The following CDKN2A variants were observed in gnomAD, a reference collection of about 807,000 sequenced individuals.
The protein encoded by CDKN2A is cyclin dependent kinase inhibitor 2A.
A neutral mutation model predicts 11.1 loss-of-function variants in CDKN2A; 3 were observed. That is an observed-to-expected ratio of 0.27 (90% CI 0.12 to 0.70). CDKN2A has a LOEUF of 0.70. Among genes scored for constraint, CDKN2A ranks in the 30% least tolerant of loss-of-function variants. The pLI is 0.77. For synonymous variants in CDKN2A, 122 were observed against 108.1 expected (o/e 1.13, Z -0.80); for missense variants, 265 against 233.6 (o/e 1.13, Z -0.88).
At chr9:21,976,698 A>G (rs36228838), upstream of CDKN2A, among the ~76,000 whole-genome samples, 7 of 152,172 alleles carry the variant, frequency 4.6e-5, no homozygotes, top group African/African-American at 1.2e-4. Flanking sequence ...AGCCTGGGAG[A>G]CAAGAGCGAA....
At chr9:21,971,851 C>T (rs1819781492) in intron 1 of CDKN2A, among the ~76,000 whole-genome samples, 1 of 152,034 alleles carries the variant, frequency 6.6e-6, no homozygotes, top group Non-Finnish European at 1.5e-5. Flanking sequence ...AGTAACCTAT[C>T]CATCATCTCA....
rs769762355 is a variant in CDKN2A at position 21,974,467 on chromosome 9, G to C, written c.150+211C>G. 7 of 1,611,820 alleles carry C rather than the reference G, an allele frequency of 4.3e-6. No individual in the cohort carries two copies. The highest frequency in any genetic ancestry group is 1.7e-5 in the Admixed American group (1 of 59,960). ...CTCAGCATTCGAGAGATCTGTACGC[G>C]CGTGGCTCCTCATTCCTCTTCCTTG... On this transcript the variant is annotated intron_variant, in intron 1 of 2. Coordinates refer to ENST00000304494, the MANE Select transcript of CDKN2A (RefSeq NM_000077.5). The surrounding 1 kb of genome is among the most constrained non-coding windows in gnomAD (Gnocchi z 5.2).
upstream of CDKN2A, among the ~76,000 whole-genome samples, chr9:21,976,345 C>T (rs913911035): frequency 6.7e-6 from 1 of 150,130 alleles, no homozygotes; most frequent in African/African-American, 2.5e-5. Flanking sequence ...CGCCACCACC[C>T]TCCAGCCTGG....
In CDKN2A at chr9:21,971,110, G is replaced by T. The variant is rs34968276; in HGVS notation, c.249C>A (p.His83Gln). 2 of 1,604,458 alleles carry T rather than the reference G, an allele frequency of 1.2e-6. No individual in the cohort carries two copies. The highest frequency in any genetic ancestry group is 1.7e-6 in the Non-Finnish European group (2 of 1,179,550). The change falls in exon 2 of 3, where the codon CAC (histidine) becomes CAA (glutamine). Residue 83 changes from histidine to glutamine, a missense_variant. His to Gln is a conservative substitution (Grantham distance 24). Coordinates refer to ENST00000304494, the MANE Select transcript of CDKN2A (RefSeq NM_000077.5). ...ADPATLTRPV[H>Q]DAAREGFLDT... Reference sequence around the variant, plus strand: ...CCAGGAAGCCCTCCCGGGCAGCGTCGTGCACGGGTCGGGTGAGAGTGGCGG... The same window carrying T: ...CCAGGAAGCCCTCCCGGGCAGCGTCTTGCACGGGTCGGGTGAGAGTGGCGG...
At chr9:21,980,027 T>C (rs1820135008) in intron 2 of CDKN2A, among the ~76,000 whole-genome samples, 1 of 152,186 alleles carries the variant, frequency 6.6e-6, no homozygotes. Context: ...GGATTGGCAA[T>C]ATGCACGTAT....
rs2131079048 is a variant in CDKN2A, at chr9:21,968,181, A to G, written c.*48T>C. 1 of 1,581,762 alleles carries G rather than the reference A, an allele frequency of 6.3e-7. No homozygotes were observed. Among genetic ancestry groups the G allele is most frequent in the Non-Finnish European group, 8.7e-7 (1 of 1,151,782 alleles). ...TTGTGGCCCTGTAGGACCTTCGGTGACTGATGATCTAAGTTTCCCGAGGTT... is the reference window on the plus strand; with the variant it reads ...TTGTGGCCCTGTAGGACCTTCGGTGGCTGATGATCTAAGTTTCCCGAGGTT... On this transcript the variant is annotated 3_prime_UTR_variant, in exon 3 of 3. Transcript: ENST00000304494. The surrounding 1 kb of genome is among the most constrained non-coding windows in gnomAD (Gnocchi z 4.7).
chr9:21,974,654 T>G lies in CDKN2A; in HGVS notation c.150+24A>C. On this transcript the variant is annotated intron_variant, in intron 1 of 2. Coordinates refer to ENST00000304494, the MANE Select transcript of CDKN2A (RefSeq NM_000077.5). The surrounding 1 kb of genome is among the most constrained non-coding windows in gnomAD (Gnocchi z 5.2). ...TCCAGAGTCGCCCGCCATCCCCTGC[T>G]CCCGCTGCAGACCCTCTACCCACCT... 2 of 1,614,072 alleles carry G rather than the reference T, an allele frequency of 1.2e-6. No homozygotes were observed. The highest frequency in any genetic ancestry group is 1.7e-6 in the Non-Finnish European group (2 of 1,180,024).
intron 1 of CDKN2A, among the ~76,000 whole-genome samples, chr9:21,973,043 A>C (rs749994131): frequency 3.3e-5 from 5 of 152,356 alleles, no homozygotes; most frequent in Non-Finnish European, 7.4e-5. Flanking sequence ...AAGTATAAGC[A>C]AACCAAATTG....
At chr9:21,987,164 T>A (rs1048851641) in intron 2 of CDKN2A, among the ~76,000 whole-genome samples, 1 of 152,008 alleles carries the variant, frequency 6.6e-6, no homozygotes, top group Non-Finnish European at 1.5e-5. Context: ...TCATCTATAT[T>A]TCCCCCCCCA....
In CDKN2A at chr9:21,968,513, G is replaced by A; in HGVS notation, c.458-271C>T. On this transcript the variant is annotated intron_variant, in intron 2 of 2. Coordinates refer to ENST00000304494, the MANE Select transcript of CDKN2A (RefSeq NM_000077.5). This position sits in a 1 kb window ranked among gnomAD's most constrained non-coding sequence, Gnocchi z 4.7. ...CGGAGGGCAGAGAAAGCGCGACCGCGCGGCCCGCAGGGTTGCAAGAAGAAA... is the reference window on the plus strand; with the variant it reads ...CGGAGGGCAGAGAAAGCGCGACCGCACGGCCCGCAGGGTTGCAAGAAGAAA... 1.4e-6 allele frequency: 2 copies of A among 1,451,064 alleles called. No individual in the cohort carries two copies. Among genetic ancestry groups the A allele is most frequent in the South Asian group, 1.5e-5 (1 of 68,526 alleles). 89.9% of individuals were successfully genotyped at this position (1,451,064 alleles called of 1,614,324 possible). A position where few individuals can be genotyped will look rare whatever the true frequency, so the allele number is the denominator to read the frequency against.
At chr9:21,993,799 CTGTGTGTGTGTGTGTGTGTG>C (rs71336508) in intron 2 of CDKN2A, 339 of 247,488 alleles carry the variant, frequency 1.4e-3, no homozygotes, top group South Asian at 0.014. Flanking sequence ...ACCTTTCCTA[CTGTGTGTGTGTGTGTGTGTG>C]TGTGTGTGTG....
Position 21,968,841 on chromosome 9 carries a change from A to G in CDKN2A, c.458-599T>C. On this transcript the variant is annotated intron_variant, in intron 2 of 2. Coordinates refer to ENST00000304494, the MANE Select transcript of CDKN2A (RefSeq NM_000077.5). The surrounding 1 kb of genome is among the most constrained non-coding windows in gnomAD (Gnocchi z 4.7). ...GCCTTCCTCTCTAATCTCGTTGCGT[A>G]TGGGCTCCAGCTCGCCGTTCGGTTC... is the stretch of plus-strand genomic sequence containing the variant. 1 of 1,466,658 alleles carries G rather than the reference A, an allele frequency of 6.8e-7. No individual in the cohort carries two copies. The allele number at this position is 1,466,658 out of a possible 1,614,324, so 90.9% of individuals were successfully genotyped here.
chr9:21,978,002 C>A (rs1820081361), upstream of CDKN2A, among the ~76,000 whole-genome samples: 1 of 151,618 alleles, frequency 6.6e-6, no homozygotes, highest in Non-Finnish European at 1.5e-5. Context: ...ATACCAAGAA[C>A]AAGTTTTAGA....
intron 2 of CDKN2A, among the ~76,000 whole-genome samples, chr9:21,984,263 C>T (rs1820255564): frequency 6.6e-6 from 1 of 151,858 alleles, no homozygotes; most frequent in South Asian, 2.1e-4. Context: ...AACAAAGTTT[C>T]CCATGTTATG....
intron 1 of CDKN2A, chr9:21,994,341 G>T (rs542282744): frequency 1.2e-6 from 2 of 1,605,580 alleles, no homozygotes; most frequent in African/African-American, 2.7e-5. Context: ...TGTTCTCGCC[G>T]CCTCCAGGGC....
intron 2 of CDKN2A, among the ~76,000 whole-genome samples, chr9:21,985,005 C>T (rs187645178): frequency 6.6e-6 from 1 of 151,944 alleles, no homozygotes; most frequent in African/African-American, 2.4e-5. Flanking sequence ...TTCAACTCCA[C>T]TCAAGGGAAT....
At chr9:21,989,389 AAAG>A (rs1177029623) in intron 2 of CDKN2A, 2 of 152,140 alleles carry the variant, frequency 1.3e-5, no homozygotes, top group Non-Finnish European at 2.9e-5. Context: ...TTTCATTTGA[AAAG>A]AAAATTTTCA....
intron 2 of CDKN2A, among the ~76,000 whole-genome samples, chr9:21,969,207 G>A (rs1819570864): frequency 6.6e-6 from 1 of 152,142 alleles, no homozygotes; most frequent in Non-Finnish European, 1.5e-5. Flanking sequence ...AGATAACATG[G>A]TGAGACCTTC....
chr9:21,974,298 G>C lies in CDKN2A; in HGVS notation c.150+380C>G, dbSNP rs1819916573. 2.5e-6 allele frequency: 2 copies of C among 804,454 alleles called. No homozygotes were observed. The highest frequency in any genetic ancestry group is 4.1e-4 in the Middle Eastern group (1 of 2,424). The allele number at this position is 804,454 out of a possible 1,614,324, so 49.8% of individuals were successfully genotyped here. A position where few individuals can be genotyped will look rare whatever the true frequency, so the allele number is the denominator to read the frequency against. ...AGTAAGAAAGATAAGCTCCATCCAG[G>C]TATCTGTGAATTGGAGGCTAAGTAG... On this transcript the variant is annotated intron_variant, in intron 1 of 2. Coordinates refer to ENST00000304494, the MANE Select transcript of CDKN2A (RefSeq NM_000077.5). The surrounding 1 kb of genome is among the most constrained non-coding windows in gnomAD (Gnocchi z 5.2).
Sources: allele counts gnomAD v4.1 joint callset (sites outside exome capture counted in the v4.1 genomes callset), GRCh38; gene constraint gnomAD v4.1.1; non-coding constraint Gnocchi (gnomAD v3.1); transcripts MANE v1.5; gene names NCBI Gene and HGNC (gene_info 2026-07-23, HGNC 2026-07-21).